Variants in ELMO2 observed in about 807,000 individuals in gnomAD.
ELMO2 encodes engulfment and cell motility 2.
ELMO2 carries 37 observed loss-of-function variants against 96.2 expected under a neutral mutation model. The observed-to-expected ratio is 0.38, with a 90% CI of 0.30 to 0.51. ELMO2 has a LOEUF of 0.51. Ranked by LOEUF, ELMO2 falls within the 20% of genes least tolerant of loss-of-function variation. The pLI is 0.88. For synonymous variants in ELMO2, 315 were observed against 329.4 expected (o/e 0.96, Z 0.47); for missense variants, 561 against 912.6 (o/e 0.61, Z 4.96).
At chr20:46,381,103 G>A (rs990211786) in intron 10 of ELMO2, among the ~76,000 whole-genome samples, 1 of 152,030 alleles carries the variant, frequency 6.6e-6, no homozygotes, top group Non-Finnish European at 1.5e-5. Flanking sequence ...CTAAGGAGTC[G>A]GCTTCATCAA....
intron 1 of ELMO2, among the ~76,000 whole-genome samples, chr20:46,399,170 G>A (rs927095165): frequency 6.6e-6 from 1 of 152,174 alleles, no homozygotes; most frequent in East Asian, 1.9e-4. Flanking sequence ...CTCTGCACCT[G>A]ACCCGCAGCA....
Position 46,394,429 on chromosome 20 carries a change from G to A in ELMO2, c.54C>T (p.Asn18=), listed in dbSNP as rs747105596. The change falls in exon 3 of 22, where the codon AAC becomes AAT. Residue 18 remains asparagine, a synonymous_variant. Transcript: ENST00000290246. ...CCTGGTCGATTTCAAGGAGCTGGGC[G>A]TTAGCACCTGGCCACTCAATGGCCA... ...VKVAIEWPGA[N]AQLLEIDQKR... 2.2e-5 allele frequency: 35 copies of A among 1,614,094 alleles called. No individual in the cohort carries two copies. Among genetic ancestry groups the A allele is most frequent in the African/African-American group, 8.0e-5 (6 of 74,930 alleles).
intron 11 of ELMO2, among the ~76,000 whole-genome samples, chr20:46,376,465 C>T (rs1403367261): frequency 6.6e-6 from 1 of 152,106 alleles, no homozygotes; most frequent in Non-Finnish European, 1.5e-5. Flanking sequence ...CCCCACATTC[C>T]CCTGTCGGTT....
In ELMO2 at chr20:46,374,438, A is replaced by G; in HGVS notation, c.1173T>C (p.Ile391=). 2 of 1,614,054 alleles carry G rather than the reference A, an allele frequency of 1.2e-6. No homozygotes were observed. Among genetic ancestry groups the G allele is most frequent in the Non-Finnish European group, 1.7e-6 (2 of 1,179,964 alleles). Residue 391 remains isoleucine, a splice_region_variant and synonymous_variant, in exon 15 of 22, where the codon ATT becomes ATC. Transcript: ENST00000290246. ...CTTCCCGGCTACTGTTCTCCAAGAC[A>G]ATCTGTCGGGGGAAGAGAAAGGGAG... ...AKVHQDTYIR[I]VLENSSREDK...
intron 21 of ELMO2, 95 bp downstream of exon 21, chr20:46,368,796 C>T: frequency 7.5e-7 from 1 of 1,330,708 alleles, no homozygotes; most frequent in Non-Finnish European, 1.1e-6. Flanking sequence ...TGCAGCCACC[C>T]ACCACAGGGG....
At chr20:46,395,416 T>C (rs575091424) in intron 2 of ELMO2, among the ~76,000 whole-genome samples, 1 of 152,308 alleles carries the variant, frequency 6.6e-6, no homozygotes, top group South Asian at 2.1e-4. Context: ...ATTATTTCAA[T>C]GTATATTTAC....
chr20:46,371,825 A>G lies in ELMO2; in HGVS notation c.1561T>C (p.Phe521Leu). ...RQSERMSQDD[F>L]QSPPIVELRE... is the part of the protein sequence containing the mutation. ...ACTTACACAATTGGCGGGGACTGGAAGTCATCCTGACTCATCCTCTCAGAC... is the reference window on the plus strand; with the variant it reads ...ACTTACACAATTGGCGGGGACTGGAGGTCATCCTGACTCATCCTCTCAGAC... Residue 521 changes from phenylalanine to leucine, a missense_variant, in exon 17 of 22, where the codon TTC (phenylalanine) becomes CTC (leucine). Coordinates refer to ENST00000290246, the MANE Select transcript of ELMO2 (RefSeq NM_133171.5). The surrounding 1 kb of genome is among the most constrained non-coding windows in gnomAD (Gnocchi z 5.9). 3 of 1,614,206 alleles carry G rather than the reference A, an allele frequency of 1.9e-6. No homozygotes were observed. The highest frequency in any genetic ancestry group is 2.5e-6 in the Non-Finnish European group (3 of 1,180,026).
chr20:46,389,338 C>A, intron 6 of ELMO2, 118 bp from the exon 7 acceptor site: 1 of 1,059,396 alleles, frequency 9.4e-7, no homozygotes, highest in Non-Finnish European at 1.4e-6. Flanking sequence ...CTAGTTTTTT[C>A]ACACAGCTTA....
chr20:46,382,190 T>C (rs982955019), intron 10 of ELMO2: 1 of 1,289,696 alleles, frequency 7.8e-7, no homozygotes, highest in African/African-American at 1.5e-5. Context: ...CCTTTCCACA[T>C]GGCAGTGCTA....
At chr20:46,378,572 G>A (rs1016687044) in intron 11 of ELMO2, among the ~76,000 whole-genome samples, 1 of 152,196 alleles carries the variant, frequency 6.6e-6, no homozygotes, top group Non-Finnish European at 1.5e-5. Flanking sequence ...GGCCCCTCCT[G>A]CCAGGCTGGT....
At chr20:46,399,888 C>A (rs1000996930) in intron 1 of ELMO2, among the ~76,000 whole-genome samples, 1 of 152,180 alleles carries the variant, frequency 6.6e-6, no homozygotes, top group Non-Finnish European at 1.5e-5. Context: ...TTTGGCTGGG[C>A]GCAGTGGCTC....
At chr20:46,394,340 G>A (rs2060208393) in intron 3 of ELMO2, 65 bp downstream of exon 3, 2 of 1,546,850 alleles carry the variant, frequency 1.3e-6, no homozygotes, top group African/African-American at 2.7e-5. Context: ...CCCTCAAGAT[G>A]TCCTCTGCCA....
intron 13 of ELMO2, 124 bp from the exon 14 acceptor site, chr20:46,374,764 T>C (rs2059821703): frequency 6.4e-6 from 5 of 777,496 alleles, no homozygotes. Context: ...CTGTCCTAGC[T>C]CTTTTCACAC....
At position 46,366,545 on chromosome 20, in the gene ELMO2, G is replaced by A. The variant is rs1318010101; in HGVS notation, c.*815C>T. 6.6e-6 allele frequency: 1 copy of A among 152,558 alleles called. No individual in the cohort carries two copies. Among genetic ancestry groups the A allele is most frequent in the African/African-American group, 2.4e-5 (1 of 41,464 alleles). The allele number at this position is 152,558 out of a possible 1,614,324, so 9.5% of individuals were successfully genotyped here. A position where few individuals can be genotyped will look rare whatever the true frequency, so the allele number is the denominator to read the frequency against. ...CTGGAGGGGGCTGCAATTCAGGTTA[G>A]GGGAGATTTCTCTCTGAGGAAGGAA... On this transcript the variant is annotated 3_prime_UTR_variant, in exon 22 of 22. Coordinates refer to ENST00000290246, the MANE Select transcript of ELMO2 (RefSeq NM_133171.5).
intron 1 of ELMO2, among the ~76,000 whole-genome samples, chr20:46,405,658 C>A (rs1466908304): frequency 1.3e-5 from 2 of 152,112 alleles, no homozygotes; most frequent in Non-Finnish European, 2.9e-5. Flanking sequence ...GAGGCCGAGA[C>A]GGGCGGATCA....
rs1856387772 is a variant in ELMO2, at chr20:46,394,098, G to C, written c.79-9C>G. 6.2e-7 allele frequency: 1 copy of C among 1,611,756 alleles called. No homozygotes were observed. The highest frequency in any genetic ancestry group is 1.7e-5 in the Admixed American group (1 of 59,976). On this transcript the variant is annotated splice_polypyrimidine_tract_variant and intron_variant, in intron 3 of 21. Coordinates refer to ENST00000290246, the MANE Select transcript of ELMO2 (RefSeq NM_133171.5). ...GATGCCAGGGGCCGTTTCTGAAAGAGAGAGAGAGAAAGCCTTCAACAGCAG... is the reference window on the plus strand; with the variant it reads ...GATGCCAGGGGCCGTTTCTGAAAGACAGAGAGAGAAAGCCTTCAACAGCAG...
rs369330500 is a variant in ELMO2, at chr20:46,389,023, C to T, written c.425+16G>A. The T allele has an allele frequency of 4.9e-5, 79 of 1,608,720 alleles. No homozygotes were observed. The highest frequency in any genetic ancestry group is 1.2e-4 in the Admixed American group (7 of 59,762). On this transcript the variant is annotated intron_variant, in intron 7 of 21. Coordinates refer to ENST00000290246, the MANE Select transcript of ELMO2 (RefSeq NM_133171.5). ...AATCGTCGAAGTCCTTGGAACGAGA[C>T]CTTAGTCATACTCACTGGGACAAGA...
Position 46,406,072 on chromosome 20 carries a change from C to A in ELMO2, c.-126+476G>T, listed in dbSNP as rs949500131. Among the ~76,000 whole-genome samples the A allele has an allele frequency of 1.1e-4, 17 of 152,272 alleles. No homozygotes were observed. The Middle Eastern group carries it at 0.01, about 91-fold the overall frequency. On this transcript the variant is annotated intron_variant, in intron 1 of 21. Transcript: ENST00000290246. ...GTACATGCACCGGGGTGCTACTGAG[C>A]CAGCAGGATCCACGGGGCGGACTGG...
Position 46,370,460 on chromosome 20 carries a change from C to G in ELMO2, c.1867G>C (p.Ala623Pro). Residue 623 changes from alanine (A) to proline (P), a missense_variant, in exon 20 of 22, where the codon GCT becomes CCT. By Grantham distance (27) the Ala-to-Pro change is conservative. Coordinates refer to ENST00000290246, the MANE Select transcript of ELMO2 (RefSeq NM_133171.5). The part of the protein sequence containing the change: ...KDCPHMKEKS[A>P]LKQNKEVLEL... ...CTACTCACCTTGTTCTGTTTCAGAGCACTTTTCTCTTTCATGTGGGGACAA... is the reference window on the plus strand; with the variant it reads ...CTACTCACCTTGTTCTGTTTCAGAGGACTTTTCTCTTTCATGTGGGGACAA... 1 of 1,614,202 alleles carries G rather than the reference C, an allele frequency of 6.2e-7. No individual in the cohort carries two copies. The highest frequency in any genetic ancestry group is 8.5e-7 in the Non-Finnish European group (1 of 1,180,030).
Sources: allele counts gnomAD v4.1 joint callset (sites outside exome capture counted in the v4.1 genomes callset), GRCh38; gene constraint gnomAD v4.1.1; non-coding constraint Gnocchi (gnomAD v3.1); transcripts MANE v1.5; gene names NCBI Gene and HGNC (gene_info 2026-07-23, HGNC 2026-07-21).